Variants in ARHGAP22 observed in about 807,000 individuals in gnomAD.
ARHGAP22 encodes the protein rho GTPase-activating protein 22.
ARHGAP22 carries 48 observed loss-of-function variants against 59.1 expected under a neutral mutation model. That is an observed-to-expected ratio of 0.81 (90% CI 0.64 to 1.03). ARHGAP22 has a LOEUF of 1.03. ARHGAP22 is among the 50% of genes least tolerant of loss of function. The pLI is 0.00. For synonymous variants in ARHGAP22, 445 were observed against 416.4 expected (o/e 1.07, Z -0.84); for missense variants, 1,015 against 958.7 (o/e 1.06, Z -0.78).
chr10:48,570,966 C>T (rs536999834), intron 2 of ARHGAP22, among the ~76,000 whole-genome samples: 4 of 152,324 alleles, frequency 2.6e-5, no homozygotes, highest in African/African-American at 9.6e-5. Flanking sequence ...ATGCCTGCTT[C>T]TTTGGCCTCG....
At chr10:48,496,731 C>T (rs181627032) in intron 3 of ARHGAP22, among the ~76,000 whole-genome samples, 2 of 152,286 alleles carry the variant, frequency 1.3e-5, no homozygotes, top group East Asian at 3.9e-4. Flanking sequence ...GTCTGTACTG[C>T]CGTGTGCCGG....
chr10:48,577,873 C>G (rs887746292), intron 2 of ARHGAP22, among the ~76,000 whole-genome samples: 2 of 127,726 alleles, frequency 1.6e-5, no homozygotes, highest in African/African-American at 6.0e-5. Flanking sequence ...AGTGCAGTAG[C>G]GCTTATCTTG....
intron 1 of ARHGAP22, among the ~76,000 whole-genome samples, chr10:48,622,774 G>A (rs1198853429): frequency 6.6e-6 from 1 of 152,154 alleles, no homozygotes; most frequent in African/African-American, 2.4e-5. Context: ...AATTTAAAGT[G>A]TGTAGCATGA....
At chr10:48,484,640 A>G (rs983997896) in intron 3 of ARHGAP22, among the ~76,000 whole-genome samples, 1 of 152,244 alleles carries the variant, frequency 6.6e-6, no homozygotes, top group Non-Finnish European at 1.5e-5. Context: ...TGTAATAACA[A>G]ATACAATTTC....
At chr10:48,595,680 T>C (rs1036937916) in intron 1 of ARHGAP22, among the ~76,000 whole-genome samples, 1 of 152,148 alleles carries the variant, frequency 6.6e-6, no homozygotes, top group Admixed American at 6.5e-5. Context: ...TGTATGACTA[T>C]GCCTGGCTAA....
At chr10:48,609,768 G>A (rs1269907570), upstream of ARHGAP22, among the ~76,000 whole-genome samples, 1 of 152,086 alleles carries the variant, frequency 6.6e-6, no homozygotes, top group African/African-American at 2.4e-5. Context: ...CCAAGGCCAC[G>A]GGGACCTTCT....
chr10:48,633,818 G>A (rs554098395), intron 1 of ARHGAP22, among the ~76,000 whole-genome samples: 10 of 152,164 alleles, frequency 6.6e-5, no homozygotes, highest in Non-Finnish European at 1.5e-4. Context: ...ATCATTCCAC[G>A]GGGCTAAGAG....
At chr10:48,518,986 G>C (rs1301696996) in intron 3 of ARHGAP22, among the ~76,000 whole-genome samples, 1 of 152,218 alleles carries the variant, frequency 6.6e-6, no homozygotes, top group Admixed American at 6.5e-5. Context: ...GAGGTGTCCA[G>C]GGGTCAGAGG....
chr10:48,474,179 A>G (rs937724837), intron 4 of ARHGAP22, among the ~76,000 whole-genome samples: 18 of 152,160 alleles, frequency 1.2e-4, no homozygotes, highest in African/African-American at 4.3e-4. Flanking sequence ...TTTTTGCTAA[A>G]TTTATCCCTA....
the ARHGAP22 span, chr10:48,434,825 A>G: frequency 6.7e-7 from 1 of 1,501,324 alleles, no homozygotes; most frequent in South Asian, 1.3e-5. Context: ...AGTGCAGTGC[A>G]AGTAGCTTGA....
intron 3 of ARHGAP22, among the ~76,000 whole-genome samples, chr10:48,502,863 C>G (rs1021718282): frequency 3.3e-5 from 5 of 152,248 alleles, no homozygotes; most frequent in African/African-American, 1.2e-4. Context: ...CAGAGAGTGG[C>G]CCGGTAGCGG....
At chr10:48,529,191 G>A (rs568495263) in intron 3 of ARHGAP22, among the ~76,000 whole-genome samples, 1 of 152,308 alleles carries the variant, frequency 6.6e-6, no homozygotes, top group Admixed American at 6.5e-5. Context: ...GGAAGGGGGA[G>A]ACTGGAGCAG....
chr10:48,432,899 A>C, the ARHGAP22 span, among the ~76,000 whole-genome samples: 1 of 152,350 alleles, frequency 6.6e-6, no homozygotes, highest in African/African-American at 2.4e-5. Flanking sequence ...TGTTATAAAA[A>C]TATTCTGCTC....
intron 1 of ARHGAP22, among the ~76,000 whole-genome samples, chr10:48,625,705 C>T (rs866734473): frequency 4.0e-5 from 6 of 148,762 alleles, no homozygotes; most frequent in Non-Finnish European, 8.9e-5. Context: ...CACACACACA[C>T]ACACACACAC....
At chr10:48,549,365 C>T (rs1482173710) in intron 3 of ARHGAP22, among the ~76,000 whole-genome samples, 1 of 152,150 alleles carries the variant, frequency 6.6e-6, no homozygotes, top group Non-Finnish European at 1.5e-5. Context: ...TCACTTGGGG[C>T]TGGAAGCTAG....
At chr10:48,461,509 T>A (rs1477542737) in intron 4 of ARHGAP22, among the ~76,000 whole-genome samples, 1 of 152,046 alleles carries the variant, frequency 6.6e-6, no homozygotes, top group African/African-American at 2.4e-5. Context: ...TCTAAAACAA[T>A]ACATGACAAG....
At chr10:48,534,885 T>C (rs894016571) in intron 3 of ARHGAP22, among the ~76,000 whole-genome samples, 3 of 152,214 alleles carry the variant, frequency 2.0e-5, no homozygotes, top group South Asian at 2.1e-4. Context: ...TCTGCAGTTA[T>C]AGGAAAAATT....
chr10:48,549,832 G>A (rs1416451313), intron 3 of ARHGAP22, among the ~76,000 whole-genome samples: 4 of 152,118 alleles, frequency 2.6e-5, no homozygotes, highest in African/African-American at 9.7e-5. Flanking sequence ...CTCTACACCA[G>A]GGGCAGCCTC....
chr10:48,539,693 T>C (rs942003085), intron 3 of ARHGAP22, among the ~76,000 whole-genome samples: 1 of 152,238 alleles, frequency 6.6e-6, no homozygotes, highest in Non-Finnish European at 1.5e-5. Flanking sequence ...AATTTTAAAA[T>C]GTTAGGCATT....
Sources: gnomAD v4.1 joint callset for allele counts (sites outside exome capture counted in the v4.1 genomes callset) on GRCh38, gnomAD v4.1.1 for gene constraint, MANE v1.5 for transcripts, NCBI Gene and HGNC (gene_info 2026-07-23, HGNC 2026-07-21) for gene names.